The following PTGFRN variants were observed in gnomAD, a reference collection of about 807,000 sequenced individuals.
The protein encoded by PTGFRN is prostaglandin F2 receptor negative regulator.
A neutral mutation model predicts 83.2 loss-of-function variants in PTGFRN; 35 were observed. The ratio of observed to expected loss-of-function variants is 0.42; its 90% CI spans 0.32 to 0.56. The LOEUF (loss-of-function observed/expected upper bound fraction) is 0.56. Among genes scored for constraint, PTGFRN ranks in the 20% least tolerant of loss-of-function variants. The pLI, the probability that PTGFRN is intolerant of heterozygous loss-of-function variation, is 0.11. For missense variants in PTGFRN, 1,051 were observed against 1,179.5 expected, an observed-to-expected ratio of 0.89 and a Z score of 1.60; for synonymous variants, 519 against 498.6, an observed-to-expected ratio of 1.04 and a Z score of -0.55.
At chr1:116,945,216 C>G (rs2101065785) in intron 3 of PTGFRN, 124 bp downstream of exon 3, 2 of 1,275,728 alleles carry the variant, frequency 1.6e-6, no homozygotes, top group African/African-American at 3.0e-5. Context: ...CATGTGAGGC[C>G]TTATTTTTAG....
At chr1:116,963,599 TG>T (rs1650735006) in intron 5 of PTGFRN, among the ~76,000 whole-genome samples, 2 of 152,180 alleles carry the variant, frequency 1.3e-5, no homozygotes, top group East Asian at 3.9e-4. Flanking sequence ...TGGTATTTTT[TG>T]TTGTTTTAGT....
At chr1:116,962,161 C>T (rs1650682147) in intron 5 of PTGFRN, among the ~76,000 whole-genome samples, 1 of 152,164 alleles carries the variant, frequency 6.6e-6, no homozygotes, top group African/African-American at 2.4e-5. Context: ...AGCTTCGAAT[C>T]TCGTGTCATC....
intron 1 of PTGFRN, among the ~76,000 whole-genome samples, chr1:116,938,998 G>A (rs1291472189): frequency 2.0e-5 from 3 of 152,240 alleles, no homozygotes; most frequent in Non-Finnish European, 4.4e-5. Flanking sequence ...TCCAGGTCAC[G>A]CTAATGCAAG....
chr1:116,913,238 G>T (rs186931387), intron 1 of PTGFRN, among the ~76,000 whole-genome samples: 50 of 152,318 alleles, frequency 3.3e-4, no homozygotes, highest in African/African-American at 1.2e-3. Context: ...GTTGGGGCTG[G>T]TTTTGCTGAA....
At chr1:116,964,357 CCCT>C (rs1190968809) in intron 5 of PTGFRN, among the ~76,000 whole-genome samples, 1 of 152,112 alleles carries the variant, frequency 6.6e-6, no homozygotes, top group Non-Finnish European at 1.5e-5. Flanking sequence ...GCAGGTGATT[CCCT>C]CCTCCTGGGA....
chr1:116,961,765 T>C lies in PTGFRN; in HGVS notation c.1639+97T>C. ...CAGTCACCCTCTGCAGGTTATCACT[T>C]ACACTAGGAATGTGTGTCCTGGACA... On this transcript the variant is annotated intron_variant, in intron 5 of 8. Coordinates refer to ENST00000393203, the MANE Select transcript of PTGFRN (RefSeq NM_020440.4). The surrounding 1 kb of genome is among the most constrained non-coding windows in gnomAD (Gnocchi z 5.4). The C allele has an allele frequency of 8.5e-7, 1 of 1,183,138 alleles. No homozygotes were observed. The highest frequency in any genetic ancestry group is 1.2e-6 in the Non-Finnish European group (1 of 848,984). 73.3% of individuals were successfully genotyped at this position (1,183,138 alleles called of 1,614,324 possible).
At chr1:116,939,530 G>A (rs567042174) in intron 1 of PTGFRN, among the ~76,000 whole-genome samples, 8 of 152,166 alleles carry the variant, frequency 5.3e-5, no homozygotes, top group Non-Finnish European at 1.2e-4. Context: ...CCTGGACCTG[G>A]CCCATGAAAC....
intron 7 of PTGFRN, among the ~76,000 whole-genome samples, chr1:116,977,971 A>G (rs907120153): frequency 1.3e-5 from 2 of 152,182 alleles, no homozygotes; most frequent in Non-Finnish European, 2.9e-5. Context: ...TAGATAGACC[A>G]CTAGCAAGAC....
Position 116,988,009 on chromosome 1 carries a change from AG to A in PTGFRN, c.*1047del, listed in dbSNP as rs1651559001. ...AGGCATTGGTCACCAAGAGTCTTGCAGGGGGACCCACAGATATGCCATGTCC... is the reference window on the plus strand; with the variant it reads ...AGGCATTGGTCACCAAGAGTCTTGCAGGGGACCCACAGATATGCCATGTCC... On this transcript the variant is annotated 3_prime_UTR_variant, in exon 9 of 9. Transcript: ENST00000393203. 1 of 152,240 alleles carries A rather than the reference AG, an allele frequency of 6.6e-6. No homozygotes were observed. Among genetic ancestry groups the A allele is most frequent in the South Asian group, 2.1e-4 (1 of 4,836 alleles). The allele number at this position is 152,240 out of a possible 1,614,324, so 9.4% of individuals were successfully genotyped here.
chr1:116,915,384 A>G (rs950973840), intron 1 of PTGFRN, among the ~76,000 whole-genome samples: 2 of 152,270 alleles, frequency 1.3e-5, no homozygotes, highest in Admixed American at 6.5e-5. Context: ...GAAAGCACTG[A>G]AGGAGGAGGA....
intron 6 of PTGFRN, among the ~76,000 whole-genome samples, chr1:116,971,357 C>T (rs1215754246): frequency 6.6e-6 from 1 of 152,076 alleles, no homozygotes; most frequent in Non-Finnish European, 1.5e-5. Flanking sequence ...CCACTAACAG[C>T]TTTTTTTAGA....
intron 4 of PTGFRN, among the ~76,000 whole-genome samples, chr1:116,955,753 A>G (rs1650469960): frequency 6.6e-6 from 1 of 152,226 alleles, no homozygotes; most frequent in Non-Finnish European, 1.5e-5. Flanking sequence ...TGTACAAGGC[A>G]CTGCATGCAC....
intron 1 of PTGFRN, among the ~76,000 whole-genome samples, chr1:116,929,424 A>G (rs932690767): frequency 1.3e-5 from 2 of 152,204 alleles, no homozygotes; most frequent in Non-Finnish European, 2.9e-5. Context: ...AGTAGGCTCT[A>G]TCGTTTTCTC....
intron 1 of PTGFRN, among the ~76,000 whole-genome samples, chr1:116,917,565 C>T (rs1025031361): frequency 5.3e-5 from 8 of 152,214 alleles, no homozygotes; most frequent in Admixed American, 5.2e-4. Context: ...ACTTTTCAGC[C>T]CTAAGAGTAG....
rs546435186 is a variant in PTGFRN at position 116,913,060 on chromosome 1, C to T, written c.49+2808C>T. On this transcript the variant is annotated intron_variant, in intron 1 of 8. Coordinates refer to ENST00000393203, the MANE Select transcript of PTGFRN (RefSeq NM_020440.4). The stretch of plus-strand genomic sequence containing the variant: ...GCCACTCTGTGTGCAACTGTGTGTT[C>T]AATACTGGGAGTCCCAGACAAATGA... 2.0e-5 allele frequency among the ~76,000 whole-genome samples: 3 copies of T among 152,302 alleles called. No individual in the cohort carries two copies. In the East Asian group the frequency reaches 5.8e-4, roughly 29 times the overall value.
rs1650654090 is a variant in PTGFRN, at chr1:116,961,291, C to T, written c.1262C>T (p.Ala421Val). ...YLNASKVPGF[A>V]DDPTELACRV... is the part of the protein sequence containing the mutation. ...AATGCTTCCAAGGTCCCCGGGTTTG[C>T]GGATGACCCCACAGAGCTGGCATGC... Residue 421 changes from alanine (A) to valine (V), a missense_variant, in exon 5 of 9, where the codon GCG (alanine) becomes GTG (valine). Around this residue, in one of 3 missense-constraint regions of PTGFRN, gnomAD observed 719 missense variants for 836.6 expected, o/e 0.86. Transcript: ENST00000393203. The surrounding 1 kb of genome is among the most constrained non-coding windows in gnomAD (Gnocchi z 5.4). 7.2e-6 allele frequency: 11 copies of T among 1,537,360 alleles called. No homozygotes were observed. Among genetic ancestry groups the T allele is most frequent in the Admixed American group, 2.0e-5 (1 of 49,976 alleles).
At chr1:116,942,397 C>T (rs1318812282) in intron 2 of PTGFRN, among the ~76,000 whole-genome samples, 1 of 152,184 alleles carries the variant, frequency 6.6e-6, no homozygotes, top group Admixed American at 6.5e-5. Context: ...GCCAGGTTGC[C>T]TGTGATTGTT....
intron 2 of PTGFRN, among the ~76,000 whole-genome samples, chr1:116,943,572 G>T (rs971618024): frequency 1.3e-5 from 2 of 152,198 alleles, no homozygotes; most frequent in East Asian, 1.9e-4. Context: ...TGGTTGCCAT[G>T]TGTGGTCCAG....
At chr1:116,963,286 C>T (rs1010261687) in intron 5 of PTGFRN, among the ~76,000 whole-genome samples, 5 of 152,222 alleles carry the variant, frequency 3.3e-5, no homozygotes, top group African/African-American at 1.2e-4. Context: ...TTACTGCATA[C>T]CACCTTCTGT....
Sources: allele counts gnomAD v4.1 joint callset (sites outside exome capture counted in the v4.1 genomes callset), GRCh38; gene constraint gnomAD v4.1.1; regional missense constraint gnomAD v4.1.1; non-coding constraint Gnocchi (gnomAD v3.1); transcripts MANE v1.5; gene names NCBI Gene and HGNC (gene_info 2026-07-23, HGNC 2026-07-21).